CDH13: variants seen among roughly 807,000 people sequenced by gnomAD.
CDH13 encodes the protein cadherin 13.
A neutral mutation model predicts 63.8 loss-of-function variants in CDH13; 24 were observed. The observed-to-expected ratio is 0.38, with a 90% CI of 0.27 to 0.53. CDH13 has a LOEUF of 0.53. Among genes scored for constraint, CDH13 ranks in the 20% least tolerant of loss-of-function variants. CDH13 has a pLI of 0.85. For missense variants in CDH13, 1,049 were observed against 903.1 expected, an observed-to-expected ratio of 1.16 and a Z score of -2.07; for synonymous variants, 503 against 355.3, an observed-to-expected ratio of 1.42 and a Z score of -4.67.
chr16:83,265,943 A>T (rs984025558), intron 5 of CDH13, among the ~76,000 whole-genome samples: 5 of 151,106 alleles, frequency 3.3e-5, no homozygotes, highest in African/African-American at 1.2e-4. Context: ...TTTTTTGTTT[A>T]TTTCTGTTTT....
Position 83,668,915 on chromosome 16 carries a change from C to G in CDH13, c.1102-1875C>G, listed in dbSNP as rs148270332. Among the ~76,000 whole-genome samples, 7 of 152,310 alleles carry G rather than the reference C, an allele frequency of 4.6e-5. No homozygotes were observed. In the East Asian group the frequency reaches 7.7e-4, roughly 17 times the overall value. ...GAGCCCAGATGTACTGCAGGCCTGTCCACACCAGGCTCAGGCAGCTTCACC... is the reference window on the plus strand; with the variant it reads ...GAGCCCAGATGTACTGCAGGCCTGTGCACACCAGGCTCAGGCAGCTTCACC... On this transcript the variant is annotated intron_variant, in intron 8 of 13. Transcript: ENST00000567109.
At chr16:82,802,785 T>G (rs1383650990) in intron 1 of CDH13, among the ~76,000 whole-genome samples, 3 of 152,164 alleles carry the variant, frequency 2.0e-5, no homozygotes, top group African/African-American at 7.2e-5. Context: ...TCTGCCTCCC[T>G]CTTCAAGCTG....
At chr16:83,356,929 C>G (rs1186293949) in intron 6 of CDH13, among the ~76,000 whole-genome samples, 1 of 152,132 alleles carries the variant, frequency 6.6e-6, no homozygotes, top group African/African-American at 2.4e-5. Flanking sequence ...AAAGAAGTGT[C>G]AAAAGTTTGG....
intron 5 of CDH13, among the ~76,000 whole-genome samples, chr16:83,282,349 G>C (rs779980370): frequency 1.3e-5 from 2 of 152,114 alleles, no homozygotes; most frequent in Non-Finnish European, 2.9e-5. Context: ...GCTCAACGCA[G>C]GGTTGCCACA....
chr16:83,659,872 C>T (rs1012320349), intron 8 of CDH13, among the ~76,000 whole-genome samples: 1 of 151,318 alleles, frequency 6.6e-6, no homozygotes, highest in African/African-American at 2.4e-5. Context: ...CTGCAACCTC[C>T]ACCTCCCGGG....
At chr16:83,445,175 A>G (rs1358245091) in intron 6 of CDH13, among the ~76,000 whole-genome samples, 1 of 139,860 alleles carries the variant, frequency 7.2e-6, no homozygotes, top group Non-Finnish European at 1.6e-5. Flanking sequence ...CTCATACAAC[A>G]CTGACATTTG....
chr16:83,516,463 C>T (rs59872241), intron 7 of CDH13, among the ~76,000 whole-genome samples: 1 of 152,142 alleles, frequency 6.6e-6, no homozygotes, highest in East Asian at 1.9e-4. Flanking sequence ...GATTTTATTT[C>T]AGAGTTCTGA....
intron 2 of CDH13, among the ~76,000 whole-genome samples, chr16:82,933,396 A>G (rs762139410): frequency 6.6e-6 from 1 of 152,114 alleles, no homozygotes; most frequent in Non-Finnish European, 1.5e-5. Flanking sequence ...TGCCCTCATG[A>G]TCCAATCACC....
intron 6 of CDH13, among the ~76,000 whole-genome samples, chr16:83,456,631 A>G (rs970818234): frequency 3.9e-5 from 6 of 152,130 alleles, no homozygotes; most frequent in Non-Finnish European, 8.8e-5. Flanking sequence ...GGGGCAGGCT[A>G]TGTTTAGGAA....
chr16:83,553,718 G>A (rs903196084), intron 7 of CDH13, among the ~76,000 whole-genome samples: 2 of 152,060 alleles, frequency 1.3e-5, no homozygotes, highest in Non-Finnish European at 2.9e-5. Flanking sequence ...CACCACACTT[G>A]GCTAATTTTT....
chr16:83,408,016 G>A (rs757857457), intron 6 of CDH13, among the ~76,000 whole-genome samples: 7 of 152,162 alleles, frequency 4.6e-5, no homozygotes, highest in Non-Finnish European at 1.0e-4. Flanking sequence ...CACCCTGCTA[G>A]CATCTTAATG....
intron 1 of CDH13, among the ~76,000 whole-genome samples, chr16:82,686,569 G>T (rs927851207): frequency 2.0e-5 from 3 of 152,352 alleles, no homozygotes; most frequent in African/African-American, 7.2e-5. Context: ...GACTATGGAA[G>T]ATGAGTCCAT....
intron 4 of CDH13, among the ~76,000 whole-genome samples, chr16:83,140,940 G>T (rs968702370): frequency 2.0e-5 from 3 of 152,168 alleles, no homozygotes; most frequent in African/African-American, 7.2e-5. Context: ...AAAATGACCA[G>T]TTATCTTGGT....
chr16:83,103,492 C>T (rs1436230202), intron 3 of CDH13, among the ~76,000 whole-genome samples: 3 of 152,024 alleles, frequency 2.0e-5, no homozygotes, highest in Non-Finnish European at 4.4e-5. Context: ...GTGATCCACC[C>T]ACCTCGGCCT....
chr16:83,225,848 G>A (rs1018756041), intron 5 of CDH13, among the ~76,000 whole-genome samples: 4 of 152,228 alleles, frequency 2.6e-5, no homozygotes, highest in South Asian at 2.1e-4. Context: ...ACCCCAGTTC[G>A]TTCATAATTA....
chr16:82,872,527 A>T (rs909775207), intron 2 of CDH13, among the ~76,000 whole-genome samples: 8 of 152,258 alleles, frequency 5.3e-5, no homozygotes, highest in Non-Finnish European at 1.0e-4. Flanking sequence ...ATTGGGAAAG[A>T]TTAAGCATAG....
intron 13 of CDH13, among the ~76,000 whole-genome samples, chr16:83,793,950 A>G (rs1916437208): frequency 2.6e-5 from 4 of 152,192 alleles, no homozygotes; most frequent in Admixed American, 2.0e-4. Flanking sequence ...TCGATTAGAA[A>G]CAGACCATGT....
rs143384067 is a variant in CDH13, at chr16:83,451,881, A to G, written c.782-34596A>G. Reference sequence around the variant, plus strand: ...TTTTCTTTTCAAACTGAACATCTTTATATTCGAGGTTAATTTAAAATGGAG... The same window carrying G: ...TTTTCTTTTCAAACTGAACATCTTTGTATTCGAGGTTAATTTAAAATGGAG... On this transcript the variant is annotated intron_variant, in intron 6 of 13. Coordinates refer to ENST00000567109, the MANE Select transcript of CDH13 (RefSeq NM_001257.5). 5.0e-3 allele frequency among the ~76,000 whole-genome samples: 762 copies of G among 152,238 alleles called. 10 individuals are homozygous for G. The highest frequency in any genetic ancestry group is 0.016 in the African/African-American group (681 of 41,532).
At chr16:83,041,441 G>A (rs901889982) in intron 3 of CDH13, among the ~76,000 whole-genome samples, 3 of 151,988 alleles carry the variant, frequency 2.0e-5, no homozygotes. Context: ...AGCCACTTGG[G>A]AGAAACAGTT....
Sources: gnomAD v4.1 joint callset for allele counts (sites outside exome capture counted in the v4.1 genomes callset) on GRCh38, gnomAD v4.1.1 for gene constraint, MANE v1.5 for transcripts, NCBI Gene and HGNC (gene_info 2026-07-23, HGNC 2026-07-21) for gene names.